The following CCDC90B variants were observed in gnomAD, a reference collection of about 807,000 sequenced individuals.
CCDC90B encodes the protein coiled-coil domain containing 90B.
CCDC90B carries 24 observed loss-of-function variants against 37.0 expected under a neutral mutation model. The ratio of observed to expected loss-of-function variants is 0.65; its 90% CI spans 0.47 to 0.91. The LOEUF (loss-of-function observed/expected upper bound fraction) is 0.91, where lower values mean the gene tolerates loss of function less well. Among genes scored for constraint, CCDC90B ranks in the 40% least tolerant of loss-of-function variants. The pLI, the probability that CCDC90B is intolerant of heterozygous loss-of-function variation, is 0.00. For synonymous variants in CCDC90B, 113 were observed against 101.1 expected (o/e 1.12, Z -0.71); for missense variants, 319 against 299.0 (o/e 1.07, Z -0.49).
At position 83,285,898 on chromosome 11, in the gene CCDC90B, C is replaced by T; in HGVS notation, c.75G>A (p.Gly25=). 1.2e-6 allele frequency: 2 copies of T among 1,613,190 alleles called. No homozygotes were observed. Among genetic ancestry groups the T allele is most frequent in the South Asian group, 1.1e-5 (1 of 90,992 alleles). Residue 25 remains glycine (G), a synonymous_variant, in exon 1 of 9, where the codon GGG becomes GGA. Coordinates refer to ENST00000529689, the MANE Select transcript of CCDC90B (RefSeq NM_021825.5). ...CTCTCCGCAGGGCCGGCGAGAAATG[C>T]CCGCGGGGCCTTGAAACCCAACGAT... ...RGDRWVSRPR[G]HFSPALRREF... is the part of the protein sequence containing the mutation.
rs140951123 is a variant in CCDC90B at position 83,286,230 on chromosome 11, C to T, written c.-258G>A. 37 of 1,510,602 alleles carry T rather than the reference C, an allele frequency of 2.4e-5. No individual in the cohort carries two copies. Among genetic ancestry groups the T allele is most frequent in the Non-Finnish European group, 3.1e-5 (35 of 1,126,186 alleles). The allele number at this position is 1,510,602 out of a possible 1,614,324, so 93.6% of individuals were successfully genotyped here. A position where few individuals can be genotyped will look rare whatever the true frequency, so the allele number is the denominator to read the frequency against. On this transcript the variant is annotated 5_prime_UTR_variant, in exon 1 of 9. Transcript: ENST00000529689. Reference sequence around the variant, plus strand: ...CTTCCCGACCTTTGAACGCCTTCACCGCCCTAGGAAAGCGAGATCTTGTCA... The same window carrying T: ...CTTCCCGACCTTTGAACGCCTTCACTGCCCTAGGAAAGCGAGATCTTGTCA...
At chr11:83,280,068 A>C in intron 2 of CCDC90B, 73 bp downstream of exon 2, 3 of 1,430,532 alleles carry the variant, frequency 2.1e-6, no homozygotes, top group Non-Finnish European at 2.9e-6. Context: ...TGTTCATAAT[A>C]GTGATATTGT....
At chr11:83,274,422 T>C (rs1864895984) in intron 4 of CCDC90B, 1 of 321,050 alleles carries the variant, frequency 3.1e-6, no homozygotes, top group East Asian at 5.6e-5. Context: ...TTTATATGTA[T>C]AAAATGTAAC....
chr11:83,274,602 A>G lies in CCDC90B; in HGVS notation c.426+37T>C, dbSNP rs369921140. ...TAAGTAGGATGCTTATTATGAGATCAGTTATTTTATAAGTAATAAATTAAA... is the reference window on the plus strand; with the variant it reads ...TAAGTAGGATGCTTATTATGAGATCGGTTATTTTATAAGTAATAAATTAAA... On this transcript the variant is annotated intron_variant, in intron 4 of 8. Coordinates refer to ENST00000529689, the MANE Select transcript of CCDC90B (RefSeq NM_021825.5). The G allele has an allele frequency of 1.8e-4, 217 of 1,218,638 alleles. 1 individual carries two copies. The highest frequency in any genetic ancestry group is 2.1e-4 in the Non-Finnish European group (174 of 846,176). The allele number at this position is 1,218,638 out of a possible 1,614,324, so 75.5% of individuals were successfully genotyped here. A position where few individuals can be genotyped will look rare whatever the true frequency, so the allele number is the denominator to read the frequency against.
rs749693938 is a variant in CCDC90B at position 83,261,969 on chromosome 11, G to C, written c.710-3C>G. 6.3e-7 allele frequency: 1 copy of C among 1,582,690 alleles called. No individual in the cohort carries two copies. The highest frequency in any genetic ancestry group is 1.7e-5 in the Admixed American group (1 of 57,896). On this transcript the variant is annotated splice_polypyrimidine_tract_variant and splice_region_variant and intron_variant, in intron 8 of 8. Coordinates refer to ENST00000529689, the MANE Select transcript of CCDC90B (RefSeq NM_021825.5). ...TGCCAGGCAAGTAAACACCGAAGCT[G>C]TGAAAAGAAGAAACTGTGTTATAGG...
At chr11:83,271,894 A>T (rs1311625418) in intron 7 of CCDC90B, among the ~76,000 whole-genome samples, 1 of 152,248 alleles carries the variant, frequency 6.6e-6, no homozygotes, top group Non-Finnish European at 1.5e-5. Flanking sequence ...GACTGGATTA[A>T]GAAAACATGG....
intron 1 of CCDC90B, among the ~76,000 whole-genome samples, chr11:83,282,248 A>G (rs1591064288): frequency 1.3e-5 from 2 of 152,218 alleles, no homozygotes; most frequent in Non-Finnish European, 2.9e-5. Context: ...GCCCCTGCCC[A>G]GTATTGCAAG....
intron 1 of CCDC90B, among the ~76,000 whole-genome samples, chr11:83,282,901 C>G (rs1865472514): frequency 6.6e-6 from 1 of 152,226 alleles, no homozygotes; most frequent in South Asian, 2.1e-4. Context: ...TAGACTACCA[C>G]CGCCTGTTTT....
At chr11:83,285,115 G>A (rs545049562) in intron 1 of CCDC90B, 6 of 1,231,498 alleles carry the variant, frequency 4.9e-6, no homozygotes, top group South Asian at 1.4e-5. Context: ...GGTACCGAAT[G>A]GCTCAGCGTA....
chr11:83,278,405 G>A (rs1865172087), intron 3 of CCDC90B, among the ~76,000 whole-genome samples: 1 of 152,134 alleles, frequency 6.6e-6, no homozygotes. Context: ...AGAAAGATTA[G>A]CTCTTCTGTG....
intron 1 of CCDC90B, chr11:83,285,272 T>TA: frequency 1.6e-6 from 2 of 1,270,860 alleles, no homozygotes; most frequent in Non-Finnish European, 2.0e-6. Flanking sequence ...AACCTAGCCC[T>TA]AGAAACATTT....
intron 1 of CCDC90B, among the ~76,000 whole-genome samples, chr11:83,282,865 A>G (rs1865470105): frequency 6.6e-6 from 1 of 152,132 alleles, no homozygotes; most frequent in African/African-American, 2.4e-5. Flanking sequence ...TCCCCAAGAG[A>G]CCAGCAGTCA....
intron 7 of CCDC90B, among the ~76,000 whole-genome samples, chr11:83,271,948 A>C (rs1864701245): frequency 6.6e-6 from 1 of 152,224 alleles, no homozygotes; most frequent in Non-Finnish European, 1.5e-5. Context: ...AAAAAGGATG[A>C]GTTCATGTCC....
chr11:83,281,610 G>T (rs1591063159), intron 1 of CCDC90B, among the ~76,000 whole-genome samples: 5 of 152,046 alleles, frequency 3.3e-5, no homozygotes, highest in African/African-American at 4.8e-5. Flanking sequence ...TCATCTAGAA[G>T]GGTAAAGAAC....
chr11:83,281,859 A>T (rs61900308), intron 1 of CCDC90B, among the ~76,000 whole-genome samples: 3,528 of 152,282 alleles, frequency 0.023, 82 homozygotes, highest in South Asian at 0.072. Context: ...TTCTCATTTT[A>T]TGGATGAGGT....
intron 4 of CCDC90B, 90 bp from the exon 5 acceptor site, chr11:83,274,082 G>A: frequency 2.0e-6 from 2 of 987,564 alleles, no homozygotes; most frequent in South Asian, 2.9e-5. Flanking sequence ...ACCAAAATTT[G>A]GACAATCTAT....
chr11:83,273,244 AGTT>A (rs1428109977), intron 7 of CCDC90B: 1 of 149,002 alleles, frequency 6.7e-6, no homozygotes, highest in Non-Finnish European at 1.5e-5. Flanking sequence ...TTTAAAAAAT[AGTT>A]ATTTTCTTTT....
Position 83,281,457 on chromosome 11 carries a change from C to T in CCDC90B, c.101-1197G>A, listed in dbSNP as rs1465387351. 3.3e-5 allele frequency among the ~76,000 whole-genome samples: 5 copies of T among 151,984 alleles called. No homozygotes were observed. The South Asian group carries it at 6.2e-4, about 19-fold the overall frequency. On this transcript the variant is annotated intron_variant, in intron 1 of 8. Transcript: ENST00000529689. The stretch of plus-strand genomic sequence containing the variant: ...AAAATCTAACAATAAACTCTAAATT[C>T]AAATGATAAAAGATTCATTAAAATA...
intron 7 of CCDC90B, among the ~76,000 whole-genome samples, chr11:83,269,705 C>T (rs1046358818): frequency 1.3e-5 from 2 of 152,180 alleles, no homozygotes; most frequent in Non-Finnish European, 2.9e-5. Flanking sequence ...CAGACAGATT[C>T]ACAGCCAAAT....
Sources: allele counts gnomAD v4.1 joint callset (sites outside exome capture counted in the v4.1 genomes callset), GRCh38; gene constraint gnomAD v4.1.1; transcripts MANE v1.5; gene names NCBI Gene and HGNC (gene_info 2026-07-23, HGNC 2026-07-21).